CELA3A: variants seen among roughly 807,000 people sequenced by gnomAD.
CELA3A encodes the protein chymotrypsin like elastase 3A.
Under a neutral mutation model 38.6 loss-of-function variants are expected in CELA3A, and 35 were observed. That is an observed-to-expected ratio of 0.91 (90% confidence interval 0.69 to 1.20). The LOEUF is 1.20. Among genes scored for constraint, CELA3A ranks in the 50% most tolerant of loss-of-function variants. The pLI, the probability that CELA3A is intolerant of heterozygous loss-of-function variation, is 0.00. For synonymous variants in CELA3A, 143 were observed against 136.7 expected (o/e 1.05, Z -0.32); for missense variants, 343 against 354.2 (o/e 0.97, Z 0.25).
In CELA3A at chr1:22,008,428, G is replaced by T. The variant is rs564247093; in HGVS notation, c.642+913G>T. Among the ~76,000 whole-genome samples the T allele has an allele frequency of 3.1e-4, 46 of 150,812 alleles. 2 individuals are homozygous for T. The highest frequency in any genetic ancestry group is 1.5e-3 in the South Asian group (7 of 4,800). On this transcript the variant is annotated intron_variant, in intron 6 of 7. Coordinates refer to ENST00000290122, the MANE Select transcript of CELA3A (RefSeq NM_005747.5). ...GGCCTTCCAAAGTGTTATGTTTACA[G>T]ATGTGAGCCACTTTCCTGGCCAAGA... is the stretch of plus-strand genomic sequence containing the variant.
intron 6 of CELA3A, among the ~76,000 whole-genome samples, chr1:22,008,799 T>C (rs1335505138): frequency 6.6e-6 from 1 of 151,956 alleles, no homozygotes; most frequent in Non-Finnish European, 1.5e-5. Flanking sequence ...CATTGTATTG[T>C]AATTGAGTAT....
At chr1:22,003,899 T>G (rs1644932947) in intron 2 of CELA3A, among the ~76,000 whole-genome samples, 2 of 150,126 alleles carry the variant, frequency 1.3e-5, no homozygotes, top group African/African-American at 4.9e-5. Context: ...AGACAGGGTT[T>G]CACTGTGTTG....
Position 22,007,369 on chromosome 1 carries a change from G to C in CELA3A, c.500-4G>C. ...CCCTGACTCGGTGCTTTTTATCCTT[G>C]CAGCCAATGGGCCACTCCCAGACAA... is the stretch of plus-strand genomic sequence containing the variant. On this transcript the variant is annotated splice_region_variant and splice_polypyrimidine_tract_variant and intron_variant, in intron 5 of 7. Transcript: ENST00000290122. 1.2e-6 allele frequency: 2 copies of C among 1,607,244 alleles called. No homozygotes were observed. The highest frequency in any genetic ancestry group is 2.2e-5 in the South Asian group (2 of 90,332).
intron 6 of CELA3A, among the ~76,000 whole-genome samples, chr1:22,008,676 G>A (rs1176094886): frequency 1.3e-5 from 2 of 150,338 alleles, no homozygotes; most frequent in Non-Finnish European, 3.0e-5. Context: ...GGAGAATGGT[G>A]TGAACCCAGG....
At chr1:22,005,919 G>A (rs1439429566) in intron 4 of CELA3A, 123 bp downstream of exon 4, 15 of 1,563,830 alleles carry the variant, frequency 9.6e-6, no homozygotes, top group Non-Finnish European at 1.2e-5. Context: ...CATAGGGACA[G>A]GGGAGCTGAG....
intron 4 of CELA3A, among the ~76,000 whole-genome samples, 175 bp from the exon 5 acceptor site, chr1:22,006,703 C>G (rs1207917493): frequency 3.1e-5 from 4 of 127,124 alleles, no homozygotes; most frequent in South Asian, 2.9e-4. Context: ...GGCAACAGAC[C>G]GAGACTCTGT....
At chr1:22,002,482 G>C (rs1251893833) in intron 1 of CELA3A, 1 of 452,766 alleles carries the variant, frequency 2.2e-6, no homozygotes, top group African/African-American at 2.0e-5. Context: ...ATAGGCACAT[G>C]CCACCATACC....
rs763533469 is a variant in CELA3A at position 22,001,702 on chromosome 1, C to T, written c.28C>T (p.Leu10Phe). The T allele has an allele frequency of 5.6e-6, 9 of 1,612,170 alleles. 1 individual carries two copies. Among genetic ancestry groups the T allele is most frequent in the South Asian group, 3.3e-5 (3 of 91,024 alleles). ...GATGCTCCGGCTGCTCAGTTCCCTC[C>T]TCCTTGTGGCCGTTGGTAAGACCCC... MMLRLLSSL[L>F]LVAVASGYGP... is the part of the protein sequence containing the mutation. Residue 10 changes from leucine to phenylalanine, a missense_variant, in exon 1 of 8, where the codon CTC (leucine) becomes TTC (phenylalanine). Physicochemically the swap from Leu to Phe is conservative, Grantham distance 22. Coordinates refer to ENST00000290122, the MANE Select transcript of CELA3A (RefSeq NM_005747.5).
intron 1 of CELA3A, among the ~76,000 whole-genome samples, chr1:22,002,047 C>G (rs995651472): frequency 6.6e-6 from 1 of 151,078 alleles, no homozygotes; most frequent in Non-Finnish European, 1.5e-5. Flanking sequence ...CACTCCAACT[C>G]TCCTCTCACT....
At position 22,007,522 on chromosome 1, in the gene CELA3A, C is replaced by T. The variant is rs1250249789; in HGVS notation, c.642+7C>T. On this transcript the variant is annotated splice_region_variant and intron_variant, in intron 6 of 7. Coordinates refer to ENST00000290122, the MANE Select transcript of CELA3A (RefSeq NM_005747.5). ...CATCCGCTCCGGCTGCAACGTGAGT[C>T]AGCTCTTACCTGCCCGAGGTGGTGC... 1.2e-6 allele frequency: 2 copies of T among 1,607,118 alleles called. No homozygotes were observed. The highest frequency in any genetic ancestry group is 1.7e-6 in the Non-Finnish European group (2 of 1,176,518).
Position 22,007,453 on chromosome 1 carries a change from T to A in CELA3A, c.580T>A (p.Trp194Arg). 7 of 1,612,480 alleles carry A rather than the reference T, an allele frequency of 4.3e-6. No homozygotes were observed. The highest frequency in any genetic ancestry group is 5.9e-6 in the Non-Finnish European group (7 of 1,179,396). Reference sequence around the variant, plus strand: ...TAAGCACTGCTCCAGGTGGAACTGGTGGGGTTCCACCGTGAAGAAAACCAT... The same window carrying A: ...TAAGCACTGCTCCAGGTGGAACTGGAGGGGTTCCACCGTGAAGAAAACCAT... ...DYKHCSRWNW[W>R]GSTVKKTMVC... The change falls in exon 6 of 8, where the codon TGG (tryptophan) becomes AGG (arginine). Residue 194 changes from tryptophan to arginine, a missense_variant. Physicochemically the swap from Trp to Arg is moderately radical, Grantham distance 101. Transcript: ENST00000290122.
intron 4 of CELA3A, 74 bp downstream of exon 4, chr1:22,005,870 T>A (rs1307792806): frequency 6.2e-7 from 1 of 1,602,654 alleles, no homozygotes; most frequent in African/African-American, 1.3e-5. Flanking sequence ...CAAGTCTGAG[T>A]AGGCTCCAAC....
rs1292646319 is a variant in CELA3A at position 22,002,999 on chromosome 1, C to G, written c.44-4C>G. On this transcript the variant is annotated splice_region_variant and splice_polypyrimidine_tract_variant and intron_variant, in intron 1 of 7. Transcript: ENST00000290122. ...CTGATTGACAGCTCTCCTCTCCCCT[C>G]TAGCCTCAGGCTATGGCCCACCTTC... 2 of 1,579,070 alleles carry G rather than the reference C, an allele frequency of 1.3e-6. No homozygotes were observed. The highest frequency in any genetic ancestry group is 1.7e-6 in the Non-Finnish European group (2 of 1,166,858).
chr1:22,006,722 TAA>T, intron 4 of CELA3A, among the ~76,000 whole-genome samples, 154 bp from the exon 5 acceptor site: 1 of 49,114 alleles, frequency 2.0e-5, no homozygotes, highest in Non-Finnish European at 9.4e-5. Flanking sequence ...GTCTCAATAA[TAA>T]TAATAATAAT....
At chr1:22,002,479 C>T in intron 1 of CELA3A, 1 of 452,158 alleles carries the variant, frequency 2.2e-6, no homozygotes, top group South Asian at 1.6e-5. Context: ...ATTATAGGCA[C>T]ATGCCACCAT....
intron 7 of CELA3A, chr1:22,010,970 TA>T (rs1644979960): frequency 1.3e-5 from 2 of 150,362 alleles, no homozygotes; most frequent in Admixed American, 6.6e-5. Context: ...ATAAACTAAA[TA>T]AAATAAAACA....
rs553362487 is a variant in CELA3A, at chr1:22,005,728, G to C, written c.294G>C (p.Gln98His). 2 of 1,612,304 alleles carry C rather than the reference G, an allele frequency of 1.2e-6. No homozygotes were observed. The highest frequency in any genetic ancestry group is 1.7e-6 in the Non-Finnish European group (2 of 1,179,474). The change falls in exon 4 of 8, where the codon CAG (glutamine) becomes CAC (histidine). Residue 98 changes from glutamine to histidine, a missense_variant. Transcript: ENST00000290122. ...YNLAVKEGPE[Q>H]VIPINSEELF... ...TTGCTGTGAAGGAGGGCCCCGAGCA[G>C]GTGATCCCCATCAACTCTGAGGAGC...
chr1:22,004,261 T>TG lies in CELA3A; in HGVS notation c.129+1177dup, dbSNP rs529217746. Among the ~76,000 whole-genome samples the TG allele has an allele frequency of 3.1e-4, 46 of 150,618 alleles. 2 individuals are homozygous for TG. Among genetic ancestry groups the TG allele is most frequent in the African/African-American group, 1.1e-3 (46 of 40,652 alleles). On this transcript the variant is annotated intron_variant, in intron 2 of 7. Transcript: ENST00000290122. ...TAATTTTTATACATTGTTGTAGAGATGGGGTCTCACTATGTTGCCCAGGCT... is the reference window on the plus strand; with the variant it reads ...TAATTTTTATACATTGTTGTAGAGATGGGGGTCTCACTATGTTGCCCAGGCT...
At chr1:22,007,763 T>C (rs1321145586) in intron 6 of CELA3A, among the ~76,000 whole-genome samples, 1 of 151,264 alleles carries the variant, frequency 6.6e-6, no homozygotes, top group Non-Finnish European at 1.5e-5. Context: ...TCCCTGGTCC[T>C]CAGGCTTCCG....
Sources: allele counts gnomAD v4.1 joint callset (sites outside exome capture counted in the v4.1 genomes callset), GRCh38; gene constraint gnomAD v4.1.1; transcripts MANE v1.5; gene names NCBI Gene and HGNC (gene_info 2026-07-23, HGNC 2026-07-21).